Variants in MARCHF1 observed in about 807,000 individuals in gnomAD.
The protein encoded by MARCHF1 is E3 ubiquitin-protein ligase MARCHF1.
Under a neutral mutation model 54.2 loss-of-function variants are expected in MARCHF1, and 40 were observed. That is an observed-to-expected ratio of 0.74 (90% CI 0.57 to 0.96). MARCHF1 has a LOEUF of 0.96. MARCHF1 is among the 40% of genes least tolerant of loss of function. The pLI, the probability that MARCHF1 is intolerant of heterozygous loss-of-function variation, is 0.00. For missense variants in MARCHF1, 586 were observed against 656.5 expected, an observed-to-expected ratio of 0.89 and a Z score of 1.17; for synonymous variants, 236 against 236.3, an observed-to-expected ratio of 1.00 and a Z score of 0.01.
intron 1 of MARCHF1, among the ~76,000 whole-genome samples, chr4:164,274,133 G>A (rs1579680344): frequency 6.6e-6 from 1 of 152,128 alleles, no homozygotes; most frequent in Admixed American, 6.5e-5. Context: ...TAACTAGACA[G>A]TGATGGTAAA....
At position 163,707,799 on chromosome 4, in the gene MARCHF1, A is replaced by G. The variant is rs561485110; in HGVS notation, c.112-6936T>C. ...TCTGTTTTGAACTAAAAAAAAAAAA[A>G]AAAAAAAAAGAATCCCAGCAATAAA... On this transcript the variant is annotated intron_variant, in intron 4 of 9. Coordinates refer to ENST00000514618, the MANE Select transcript of MARCHF1 (RefSeq NM_001394959.1). Among the ~76,000 whole-genome samples, 3 of 151,164 alleles carry G rather than the reference A, an allele frequency of 2.0e-5. No individual in the cohort carries two copies. In the East Asian group the frequency reaches 5.8e-4, roughly 29 times the overall value.
At chr4:163,771,795 G>T (rs1398482312) in intron 4 of MARCHF1, among the ~76,000 whole-genome samples, 5 of 152,126 alleles carry the variant, frequency 3.3e-5, no homozygotes, top group African/African-American at 1.2e-4. Flanking sequence ...CAGCACCCAG[G>T]TTACTATTTT....
chr4:163,645,267 C>G (rs1742709929), intron 5 of MARCHF1, among the ~76,000 whole-genome samples: 1 of 152,180 alleles, frequency 6.6e-6, no homozygotes, highest in Non-Finnish European at 1.5e-5. Flanking sequence ...CTGCCAACAA[C>G]AGACCCCATT....
At chr4:164,229,700 G>A (rs2111175460) in intron 1 of MARCHF1, among the ~76,000 whole-genome samples, 1 of 152,184 alleles carries the variant, frequency 6.6e-6, no homozygotes, top group South Asian at 2.1e-4. Flanking sequence ...TTTCTGGGGA[G>A]GCCTCAGGAA....
chr4:163,822,275 T>C (rs973287414), intron 4 of MARCHF1, among the ~76,000 whole-genome samples: 1 of 151,940 alleles, frequency 6.6e-6, no homozygotes, highest in African/African-American at 2.4e-5. Flanking sequence ...AAAAGCTACC[T>C]GCTCTGTAAT....
At chr4:163,995,273 T>C (rs1404442460) in intron 2 of MARCHF1, among the ~76,000 whole-genome samples, 1 of 152,130 alleles carries the variant, frequency 6.6e-6, no homozygotes, top group Admixed American at 6.6e-5. Context: ...GATGAAGAGA[T>C]GCATAGAGCA....
intron 1 of MARCHF1, among the ~76,000 whole-genome samples, chr4:164,199,679 CACAGAG>C (rs1421964851): frequency 6.0e-3 from 312 of 51,940 alleles, no homozygotes; most frequent in African/African-American, 0.028. Flanking sequence ...CACACACACA[CACAGAG>C]AGAGAGAGAG....
chr4:164,106,754 C>T, intron 2 of MARCHF1, among the ~76,000 whole-genome samples: 1 of 91,864 alleles, frequency 1.1e-5, no homozygotes, highest in Admixed American at 1.1e-4. Flanking sequence ...TACCCTAAAA[C>T]TTGAAGTATA....
At chr4:163,840,020 T>C (rs1277803804) in intron 4 of MARCHF1, among the ~76,000 whole-genome samples, 1 of 152,092 alleles carries the variant, frequency 6.6e-6, no homozygotes. Flanking sequence ...TATTTGAACA[T>C]AAAAGATGAC....
At chr4:163,961,504 A>G (rs1000828222) in intron 3 of MARCHF1, among the ~76,000 whole-genome samples, 2 of 151,942 alleles carry the variant, frequency 1.3e-5, no homozygotes, top group Non-Finnish European at 2.9e-5. Context: ...AAAATAATAA[A>G]GAAGAGTCAT....
intron 4 of MARCHF1, among the ~76,000 whole-genome samples, chr4:163,705,227 G>A (rs868541799): frequency 2.6e-5 from 4 of 151,336 alleles, no homozygotes; most frequent in East Asian, 1.9e-4. Flanking sequence ...CCAATATTAC[G>A]TATACTATTA....
chr4:163,960,882 G>A (rs1228937463), intron 3 of MARCHF1, among the ~76,000 whole-genome samples: 1 of 151,294 alleles, frequency 6.6e-6, no homozygotes, highest in Non-Finnish European at 1.5e-5. Flanking sequence ...CTAGGGACTA[G>A]ACGTCCAAAA....
chr4:164,307,248 T>G (rs1734720042), intron 1 of MARCHF1, among the ~76,000 whole-genome samples: 1 of 152,196 alleles, frequency 6.6e-6, no homozygotes, highest in African/African-American at 2.4e-5. Context: ...GCTAAGGAAT[T>G]TGGAAAACCT....
At chr4:164,006,776 C>G (rs879519418) in intron 2 of MARCHF1, among the ~76,000 whole-genome samples, 1 of 151,768 alleles carries the variant, frequency 6.6e-6, no homozygotes, top group Non-Finnish European at 1.5e-5. Flanking sequence ...TTTCTGGAGA[C>G]TTCTCAACAG....
intron 7 of MARCHF1, among the ~76,000 whole-genome samples, chr4:163,586,174 T>C (rs1159841775): frequency 6.6e-6 from 1 of 152,156 alleles, no homozygotes; most frequent in Non-Finnish European, 1.5e-5. Context: ...ACCAACATAA[T>C]GCTGTGAGTA....
At chr4:163,545,533 C>T in intron 9 of MARCHF1, 63 bp downstream of exon 9, 1 of 1,519,164 alleles carries the variant, frequency 6.6e-7, no homozygotes, top group Non-Finnish European at 8.9e-7. Context: ...AAATAACTTC[C>T]CTATCCACCT....
intron 2 of MARCHF1, among the ~76,000 whole-genome samples, chr4:164,040,250 C>A (rs13119946): frequency 0.4 from 57,310 of 142,026 alleles, 12,176 homozygotes; most frequent in Middle Eastern, 0.55. Context: ...CTTATATATA[C>A]GTATATGTAA....
intron 1 of MARCHF1, among the ~76,000 whole-genome samples, chr4:164,372,097 G>T (rs999542532): frequency 1.3e-5 from 2 of 152,168 alleles, no homozygotes; most frequent in Non-Finnish European, 2.9e-5. Context: ...TTTAAAAAAT[G>T]AAATTATATT....
chr4:164,289,815 T>C (rs1734244174), intron 1 of MARCHF1, among the ~76,000 whole-genome samples: 1 of 152,018 alleles, frequency 6.6e-6, no homozygotes, highest in African/African-American at 2.4e-5. Flanking sequence ...AGTGGTTCAG[T>C]GGCTTTGATC....
Sources: gnomAD v4.1 joint callset for allele counts (sites outside exome capture counted in the v4.1 genomes callset) on GRCh38, gnomAD v4.1.1 for gene constraint, MANE v1.5 for transcripts, NCBI Gene and HGNC (gene_info 2026-07-23, HGNC 2026-07-21) for gene names.